NCAM1: variants seen among roughly 807,000 people sequenced by gnomAD.
The protein encoded by NCAM1 is antigen recognized by monoclonal antibody 5.1H11.
NCAM1 carries 14 observed loss-of-function variants against 109.8 expected under a neutral mutation model. The ratio of observed to expected loss-of-function variants is 0.13; its 90% CI spans 0.08 to 0.20. NCAM1 has a LOEUF of 0.20. Ranked by LOEUF, NCAM1 falls within the 10% of genes least tolerant of loss-of-function variation. The probability of loss-of-function intolerance (pLI) is 1.00; values close to 1 mark genes in which losing one functional copy is unlikely to be tolerated. For missense variants in NCAM1, 774 were observed against 1,109.9 expected, an observed-to-expected ratio of 0.70 and a Z score of 4.30; for synonymous variants, 418 against 442.9, an observed-to-expected ratio of 0.94 and a Z score of 0.70.
chr11:113,148,360 C>CTT (rs34102949), intron 1 of NCAM1, among the ~76,000 whole-genome samples: 27,207 of 140,990 alleles, frequency 0.19, 3,092 homozygotes, highest in East Asian at 0.31. Flanking sequence ...GTTTGCGGAG[C>CTT]TTTTTTTTTT....
chr11:113,066,171 A>C (rs1310227084), intron 1 of NCAM1, among the ~76,000 whole-genome samples: 3 of 152,160 alleles, frequency 2.0e-5, no homozygotes, highest in Non-Finnish European at 4.4e-5. Context: ...AAGTCGTATA[A>C]AGATCCCTTG....
At chr11:113,079,565 T>A (rs1938692528) in intron 1 of NCAM1, among the ~76,000 whole-genome samples, 1 of 152,252 alleles carries the variant, frequency 6.6e-6, no homozygotes, top group African/African-American at 2.4e-5. Context: ...TTCATTGGGT[T>A]AATGTGAACA....
At chr11:113,128,955 G>A (rs1301955989) in intron 1 of NCAM1, among the ~76,000 whole-genome samples, 5 of 150,644 alleles carry the variant, frequency 3.3e-5, no homozygotes, top group African/African-American at 4.9e-5. Context: ...GTGTGCATGC[G>A]TGCAGGCACA....
chr11:113,165,384 G>A (rs1942755473), intron 1 of NCAM1, among the ~76,000 whole-genome samples: 1 of 152,090 alleles, frequency 6.6e-6, no homozygotes, highest in South Asian at 2.1e-4. Flanking sequence ...TGGTCTCTGG[G>A]CTCCGAGTAG....
At chr11:113,165,641 A>G (rs2885456) in intron 1 of NCAM1, among the ~76,000 whole-genome samples, 3 of 151,378 alleles carry the variant, frequency 2.0e-5, no homozygotes, top group Non-Finnish European at 2.9e-5. Flanking sequence ...CACCCTTACG[A>G]CCCTATTGTC....
chr11:113,111,999 C>G (rs1327359821), intron 1 of NCAM1, among the ~76,000 whole-genome samples: 1 of 152,130 alleles, frequency 6.6e-6, no homozygotes, highest in Non-Finnish European at 1.5e-5. Context: ...AATCTTTCTC[C>G]CAGAACATGG....
intron 1 of NCAM1, among the ~76,000 whole-genome samples, chr11:113,059,474 G>T (rs537248746): frequency 4.6e-5 from 7 of 152,132 alleles, no homozygotes; most frequent in African/African-American, 1.7e-4. Context: ...CTTCCAAGAC[G>T]GTTTCTTCAC....
intron 1 of NCAM1, among the ~76,000 whole-genome samples, chr11:113,157,825 C>T (rs1555103734): frequency 6.6e-6 from 1 of 151,932 alleles, no homozygotes; most frequent in Admixed American, 6.6e-5. Flanking sequence ...TAATAAAAGA[C>T]AACCGATTCT....
chr11:112,993,495 G>C (rs1940703), intron 1 of NCAM1, among the ~76,000 whole-genome samples: 151,952 of 152,332 alleles, frequency 1, 75,787 homozygotes, highest in Middle Eastern at 1. Flanking sequence ...AATATCCAAA[G>C]TATATCAGTT....
intron 8 of NCAM1, among the ~76,000 whole-genome samples, chr11:113,220,602 CTTTTTTTTTTT>C (rs1175342641): frequency 7.9e-5 from 6 of 75,592 alleles, no homozygotes; most frequent in African/African-American, 2.4e-4. Flanking sequence ...CTCTCTCTCT[CTTTTTTTTTTT>C]TTTTTTTTTT....
chr11:113,018,182 T>TAA lies in NCAM1; in HGVS notation c.52+56527_52+56528dup, dbSNP rs11316364. 3.0e-3 allele frequency among the ~76,000 whole-genome samples: 453 copies of TAA among 151,488 alleles called. 1 individual carries two copies. The highest frequency in any genetic ancestry group is 0.01 in the African/African-American group (429 of 41,248). ...TAATTAAAAGAAGTTTTAATTGTGG[T>TAA]AAAAAAAAAACACACACATTACACA... On this transcript the variant is annotated intron_variant, in intron 1 of 19. Transcript: ENST00000316851.
At chr11:113,063,574 A>G (rs551457123) in intron 1 of NCAM1, among the ~76,000 whole-genome samples, 14 of 152,312 alleles carry the variant, frequency 9.2e-5, no homozygotes, top group South Asian at 4.2e-4. Context: ...CAAGATGCCC[A>G]GTTCTCATGG....
intron 1 of NCAM1, among the ~76,000 whole-genome samples, chr11:113,159,989 T>A (rs1942546303): frequency 6.6e-6 from 1 of 151,848 alleles, no homozygotes; most frequent in African/African-American, 2.4e-5. Context: ...TATGTATTCA[T>A]TACTCAGTGT....
intron 1 of NCAM1, among the ~76,000 whole-genome samples, chr11:113,094,050 T>C (rs1368016596): frequency 4.6e-5 from 7 of 152,194 alleles, no homozygotes; most frequent in Admixed American, 4.6e-4. Context: ...CAATAGCAGA[T>C]AAGTGGTATC....
At chr11:113,151,246 A>G (rs550792392) in intron 1 of NCAM1, among the ~76,000 whole-genome samples, 1 of 152,312 alleles carries the variant, frequency 6.6e-6, no homozygotes, top group East Asian at 1.9e-4. Flanking sequence ...ACCAAATGGA[A>G]AGAAGTGTAA....
intron 1 of NCAM1, among the ~76,000 whole-genome samples, chr11:113,152,997 G>A (rs1353964312): frequency 6.6e-6 from 1 of 152,084 alleles, no homozygotes; most frequent in Admixed American, 6.5e-5. Context: ...TTCAATTGCT[G>A]GTAGTTCAGG....
At position 113,260,174 on chromosome 11, in the gene NCAM1, G is replaced by A; in HGVS notation, c.1982G>A (p.Arg661Lys). The stretch of plus-strand genomic sequence containing the variant: ...TCCTCCGAGTGGAAACCAGAGATCA[G>A]GCTCCCGTCTGGCAGTGACCACGTC... The part of the protein sequence containing the change: ...ALSSEWKPEI[R>K]LPSGSDHVML... The change falls in exon 17 of 20, where the codon AGG becomes AAG. Residue 661 changes from arginine to lysine, a missense_variant. By Grantham distance (26) the Arg-to-Lys change is conservative. Coordinates refer to ENST00000316851, the MANE Select transcript of NCAM1 (RefSeq NM_181351.5). The A allele has an allele frequency of 3.7e-6, 6 of 1,613,544 alleles. No individual in the cohort carries two copies. In the African/African-American group the frequency reaches 6.7e-5, roughly 18 times the overall value.
At chr11:112,972,862 G>A (rs1268752231) in intron 1 of NCAM1, among the ~76,000 whole-genome samples, 1 of 152,036 alleles carries the variant, frequency 6.6e-6, no homozygotes, top group African/African-American at 2.4e-5. Flanking sequence ...AAGAAGGAAA[G>A]GAGGGCTGCT....
rs570268255 is a variant in NCAM1 at position 113,136,043 on chromosome 11, C to T, written c.53-66336C>T. Among the ~76,000 whole-genome samples the T allele has an allele frequency of 9.2e-5, 14 of 152,172 alleles. No homozygotes were observed. The South Asian group carries it at 1.9e-3, about 20-fold the overall frequency. On this transcript the variant is annotated intron_variant, in intron 1 of 19. Transcript: ENST00000316851. ...ATTGAAATTAAAAAGTAATACTGGG[C>T]GTGGTGACATGTGCCTGCAGTCCCA...
Sources: gnomAD v4.1 joint callset for allele counts (sites outside exome capture counted in the v4.1 genomes callset) on GRCh38, gnomAD v4.1.1 for gene constraint, MANE v1.5 for transcripts, NCBI Gene and HGNC (gene_info 2026-07-23, HGNC 2026-07-21) for gene names.